The following GABRB3 variants were observed in gnomAD, a reference collection of about 807,000 sequenced individuals.
The protein encoded by GABRB3 is gamma-aminobutyric acid type A receptor subunit beta3.
A neutral mutation model predicts 52.1 loss-of-function variants in GABRB3; 14 were observed. That is an observed-to-expected ratio of 0.27 (90% CI 0.18 to 0.42). GABRB3 has a LOEUF of 0.42. GABRB3 is among the 10% of genes least tolerant of loss of function. GABRB3 has a pLI of 1.00. For synonymous variants in GABRB3, 260 were observed against 232.3 expected, an observed-to-expected ratio of 1.12 and a Z score of -1.08; for missense variants, 307 against 609.1, an observed-to-expected ratio of 0.50 and a Z score of 5.22.
At chr15:26,593,093 G>A in intron 4 of GABRB3, among the ~76,000 whole-genome samples, 1 of 152,230 alleles carries the variant, frequency 6.6e-6, no homozygotes, top group Admixed American at 6.5e-5. Flanking sequence ...ACATTCCCAG[G>A]TGATGCTGAT....
At chr15:26,694,707 CA>C (rs1487904154) in intron 3 of GABRB3, among the ~76,000 whole-genome samples, 2 of 152,166 alleles carry the variant, frequency 1.3e-5, no homozygotes, top group African/African-American at 4.8e-5. Flanking sequence ...GAGACAGAGT[CA>C]GCATCAGAGT....
chr15:26,770,661 C>T (rs1196599187), intron 3 of GABRB3, among the ~76,000 whole-genome samples: 1 of 152,196 alleles, frequency 6.6e-6, no homozygotes, highest in East Asian at 1.9e-4. Flanking sequence ...CAAATCAATA[C>T]ATTTTCTCTT....
chr15:26,677,831 A>G (rs890354663), intron 3 of GABRB3, among the ~76,000 whole-genome samples: 1 of 152,192 alleles, frequency 6.6e-6, no homozygotes, highest in Non-Finnish European at 1.5e-5. Flanking sequence ...AGAATTTGTA[A>G]ATCAGGGAAC....
intron 3 of GABRB3, among the ~76,000 whole-genome samples, chr15:26,690,574 T>A (rs1888556998): frequency 6.6e-6 from 1 of 151,820 alleles, no homozygotes; most frequent in African/African-American, 2.4e-5. Context: ...GTAGATCAGG[T>A]GGGGACATAG....
chr15:26,623,929 T>A (rs1056862359), intron 3 of GABRB3, among the ~76,000 whole-genome samples: 4 of 152,138 alleles, frequency 2.6e-5, no homozygotes, highest in Non-Finnish European at 4.4e-5. Flanking sequence ...CACACTCTCC[T>A]CTCAATGGCA....
intron 3 of GABRB3, among the ~76,000 whole-genome samples, chr15:26,767,602 T>C (rs1038423893): frequency 6.6e-6 from 1 of 152,198 alleles, no homozygotes; most frequent in African/African-American, 2.4e-5. Context: ...TAGCTCCCAA[T>C]GCTGTAAGGC....
chr15:26,691,079 T>G lies in GABRB3; in HGVS notation c.241-69545A>C, dbSNP rs1183812553. Reference sequence around the variant, plus strand: ...CTCCTCTCCCTCCCCTTCTTTTTTCTTCAGGATTCTTTTAGCACAGGTTGG... The same window carrying G: ...CTCCTCTCCCTCCCCTTCTTTTTTCGTCAGGATTCTTTTAGCACAGGTTGG... On this transcript the variant is annotated intron_variant, in intron 3 of 8. Transcript: ENST00000311550. Among the ~76,000 whole-genome samples, 3 of 151,796 alleles carry G rather than the reference T, an allele frequency of 2.0e-5. No individual in the cohort carries two copies. The East Asian group carries it at 6.0e-4, about 30-fold the overall frequency.
At chr15:26,571,165 T>C (rs1159317041) in intron 6 of GABRB3, among the ~76,000 whole-genome samples, 1 of 152,138 alleles carries the variant, frequency 6.6e-6, no homozygotes, top group African/African-American at 2.4e-5. Flanking sequence ...ACCTTTCTTA[T>C]CACTTATTTG....
intron 3 of GABRB3, among the ~76,000 whole-genome samples, chr15:26,670,373 C>G (rs1338477219): frequency 6.6e-6 from 1 of 152,146 alleles, no homozygotes; most frequent in Non-Finnish European, 1.5e-5. Flanking sequence ...GCAGCATGGG[C>G]TCCGGGAGGT....
chr15:26,773,334 C>A (rs1412087189), upstream of GABRB3, among the ~76,000 whole-genome samples: 1 of 150,726 alleles, frequency 6.6e-6, no homozygotes, highest in Non-Finnish European at 1.5e-5. Context: ...CGGGGGCGAC[C>A]TGGGCCGGAC....
intron 3 of GABRB3, among the ~76,000 whole-genome samples, chr15:26,733,129 T>C (rs1291060682): frequency 6.6e-6 from 1 of 152,140 alleles, no homozygotes; most frequent in Non-Finnish European, 1.5e-5. Context: ...CTATTCAACA[T>C]AGTACTGGAA....
At chr15:26,772,250 C>T in intron 3 of GABRB3, 152 bp downstream of exon 3, 2 of 630,458 alleles carry the variant, frequency 3.2e-6, no homozygotes, top group Non-Finnish European at 2.6e-6. Flanking sequence ...GCCGGGCAAG[C>T]GAGGGGCCGG....
chr15:26,737,053 C>T (rs569766799), intron 3 of GABRB3, among the ~76,000 whole-genome samples: 6 of 152,356 alleles, frequency 3.9e-5, no homozygotes, highest in South Asian at 2.1e-4. Flanking sequence ...GGGACACCAC[C>T]GCCCTCTAAA....
At chr15:26,558,907 G>A (rs753440682) in intron 8 of GABRB3, among the ~76,000 whole-genome samples, 3 of 152,128 alleles carry the variant, frequency 2.0e-5, no homozygotes, top group Non-Finnish European at 4.4e-5. Flanking sequence ...AGGTTTAACT[G>A]GATCACAGTT....
At chr15:26,653,243 G>A (rs188896266) in intron 3 of GABRB3, among the ~76,000 whole-genome samples, 4 of 152,206 alleles carry the variant, frequency 2.6e-5, no homozygotes, top group African/African-American at 9.7e-5. Context: ...TTAGGGTTTA[G>A]GAGTCATGCA....
chr15:26,663,078 T>G (rs1405018251), intron 3 of GABRB3, among the ~76,000 whole-genome samples: 1 of 152,108 alleles, frequency 6.6e-6, no homozygotes, highest in East Asian at 1.9e-4. Context: ...TGTGTCTCTG[T>G]GTGTAGTTCT....
chr15:26,649,961 C>G (rs1001829782), intron 3 of GABRB3, among the ~76,000 whole-genome samples: 2 of 152,016 alleles, frequency 1.3e-5, no homozygotes, highest in African/African-American at 2.4e-5. Flanking sequence ...GATAATTGGG[C>G]ACAAAACCCA....
rs73370110 is a variant in GABRB3, at chr15:26,671,107, T to C, written c.241-49573A>G. ...CGCCACTTAAGGAAGTAAGAAATACTGTGATGTGTAAAGAAATGACAACAT... is the reference window on the plus strand; with the variant it reads ...CGCCACTTAAGGAAGTAAGAAATACCGTGATGTGTAAAGAAATGACAACAT... On this transcript the variant is annotated intron_variant, in intron 3 of 8. Transcript: ENST00000311550. 6.9e-3 allele frequency among the ~76,000 whole-genome samples: 1,046 copies of C among 152,228 alleles called. 13 individuals carry two copies. The highest frequency in any genetic ancestry group is 0.025 in the African/African-American group (1,019 of 41,514).
At chr15:26,691,587 AG>A (rs1888590289) in intron 3 of GABRB3, among the ~76,000 whole-genome samples, 1 of 152,178 alleles carries the variant, frequency 6.6e-6, no homozygotes. Context: ...AGGGAAGGGA[AG>A]GAAGAAAAAA....
Sources: gnomAD v4.1 joint callset for allele counts (sites outside exome capture counted in the v4.1 genomes callset) on GRCh38, gnomAD v4.1.1 for gene constraint, MANE v1.5 for transcripts, NCBI Gene and HGNC (gene_info 2026-07-23, HGNC 2026-07-21) for gene names.